The following SLC6A2 variants were observed in gnomAD, a reference collection of about 807,000 sequenced individuals.
SLC6A2 encodes sodium-dependent noradrenaline transporter.
SLC6A2 carries 26 observed loss-of-function variants against 71.7 expected under a neutral mutation model. The ratio of observed to expected loss-of-function variants is 0.36; its 90% CI spans 0.27 to 0.50. SLC6A2 has a LOEUF of 0.50. SLC6A2 is among the 20% of genes least tolerant of loss of function. The pLI is 0.96. For synonymous variants in SLC6A2, 363 were observed against 337.9 expected (o/e 1.07, Z -0.82); for missense variants, 581 against 803.9 (o/e 0.72, Z 3.35).
At chr16:55,701,790 G>A (rs1965978090) in intron 13 of SLC6A2, 73 bp from the exon 14 acceptor site, 2 of 1,120,526 alleles carry the variant, frequency 1.8e-6, no homozygotes, top group Admixed American at 1.7e-5. Flanking sequence ...GCCCTCATCT[G>A]GGGGTGCAGC....
chr16:55,705,618 A>G lies in SLC6A2; in HGVS notation c.*3272A>G, dbSNP rs1339748349. On this transcript the variant is annotated 3_prime_UTR_variant, in exon 15 of 15. Coordinates refer to ENST00000568943, the MANE Select transcript of SLC6A2 (RefSeq NM_001172501.3). ...CTTTGTCTTTAAAATCAGGGGTTAT[A>G]TCAGATCATCAAAGTTCCCATTCCA... is the stretch of plus-strand genomic sequence containing the variant. 5 of 202,852 alleles carry G rather than the reference A, an allele frequency of 2.5e-5. No homozygotes were observed. Among genetic ancestry groups the G allele is most frequent in the Non-Finnish European group, 4.8e-5 (5 of 104,874 alleles). The allele number at this position is 202,852 out of a possible 1,614,324, so 12.6% of individuals were successfully genotyped here. A position where few individuals can be genotyped will look rare whatever the true frequency, so the allele number is the denominator to read the frequency against.
rs151280869 is a variant in SLC6A2, at chr16:55,693,114, C to T, written c.919-896C>T. ...GAAATCTGAATTGCAAGGCTGGGCG[C>T]GGTGGCTCACGCCTGTAATCCCAGC... On this transcript the variant is annotated intron_variant, in intron 6 of 14. Coordinates refer to ENST00000568943, the MANE Select transcript of SLC6A2 (RefSeq NM_001172501.3). Among the ~76,000 whole-genome samples the T allele has an allele frequency of 7.6e-4, 116 of 152,300 alleles. 2 individuals are homozygous for T. The highest frequency in any genetic ancestry group is 1.1e-3 in the Non-Finnish European group (74 of 68,022).
intron 4 of SLC6A2, among the ~76,000 whole-genome samples, chr16:55,676,711 T>C (rs1318903486): frequency 6.6e-6 from 1 of 152,244 alleles, no homozygotes; most frequent in African/African-American, 2.4e-5. Flanking sequence ...ATTCCAGCCA[T>C]AGTTCAAAGC....
rs1445236466 is a variant in SLC6A2, at chr16:55,657,037, G to A, written c.274+69G>A. ...CTGTCTGCAGCGGTGGCTGGGACAG[G>A]AGCTGGAATACACACGGAAGGGAGG... On this transcript the variant is annotated intron_variant, in intron 2 of 14. Coordinates refer to ENST00000568943, the MANE Select transcript of SLC6A2 (RefSeq NM_001172501.3). The A allele has an allele frequency of 1.9e-6, 3 of 1,556,746 alleles. No individual in the cohort carries two copies. The African/African-American group carries it at 4.1e-5, about 21-fold the overall frequency.
chr16:55,663,348 C>T (rs1033348017), intron 2 of SLC6A2, among the ~76,000 whole-genome samples: 15 of 152,106 alleles, frequency 9.9e-5, no homozygotes, highest in African/African-American at 3.6e-4. Context: ...AGTGAGTTCT[C>T]ACGCCACTCT....
chr16:55,685,131 T>C lies in SLC6A2; in HGVS notation c.645-12T>C. 1 of 1,614,062 alleles carries C rather than the reference T, an allele frequency of 6.2e-7. No individual in the cohort carries two copies. Among genetic ancestry groups the C allele is most frequent in the Non-Finnish European group, 8.5e-7 (1 of 1,179,992 alleles). On this transcript the variant is annotated splice_polypyrimidine_tract_variant and intron_variant, in intron 4 of 14. Coordinates refer to ENST00000568943, the MANE Select transcript of SLC6A2 (RefSeq NM_001172501.3). The stretch of plus-strand genomic sequence containing the variant: ...ACATTTACCCTGGTCCCCTCCCCTC[T>C]CCTCTGGGCAGGCGTGGTGTCCTGC...
At chr16:55,684,232 C>T (rs1312176866) in intron 4 of SLC6A2, among the ~76,000 whole-genome samples, 1 of 147,922 alleles carries the variant, frequency 6.8e-6, no homozygotes, top group Non-Finnish European at 1.5e-5. Flanking sequence ...CCTGGGGAGG[C>T]TGAGTCTTCG....
intron 5 of SLC6A2, among the ~76,000 whole-genome samples, chr16:55,690,417 A>C (rs1965580084): frequency 6.6e-6 from 1 of 152,188 alleles, no homozygotes; most frequent in East Asian, 1.9e-4. Context: ...TAGAGCCCAT[A>C]TCTTTTTAGC....
rs1298184865 is a variant in SLC6A2 at position 55,705,337 on chromosome 16, T to A, written c.*2991T>A. ...TACCGCTCAGCTGGGAGCCAGTTCC[T>A]GCTATATGATCTGTTTTCTAGCCTC... On this transcript the variant is annotated 3_prime_UTR_variant, in exon 15 of 15. Transcript: ENST00000568943. 1.5e-5 allele frequency: 17 copies of A among 1,122,296 alleles called. No individual in the cohort carries two copies. The highest frequency in any genetic ancestry group is 3.8e-6 in the Non-Finnish European group (3 of 780,994). 69.5% of individuals were successfully genotyped at this position (1,122,296 alleles called of 1,614,324 possible). A position where few individuals can be genotyped will look rare whatever the true frequency, so the allele number is the denominator to read the frequency against.
At chr16:55,680,973 T>C (rs1435570439) in intron 4 of SLC6A2, among the ~76,000 whole-genome samples, 2 of 152,070 alleles carry the variant, frequency 1.3e-5, no homozygotes, top group Non-Finnish European at 2.9e-5. Flanking sequence ...CATTCACGCA[T>C]GCTCACATCC....
Position 55,669,568 on chromosome 16 carries a change from C to T in SLC6A2, c.278C>T (p.Ala93Val), listed in dbSNP as rs1352972330. The change falls in exon 3 of 15, where the codon GCC (alanine) becomes GTC (valine). Residue 93 changes from alanine to valine, a missense_variant. Physicochemically the swap from Ala to Val is moderately conservative, Grantham distance 64 (BLOSUM62 0). This residue lies in a region of SLC6A2 where 81 missense variants were observed against 152.4 expected (regional missense o/e 0.53). Coordinates refer to ENST00000568943, the MANE Select transcript of SLC6A2 (RefSeq NM_001172501.3). ...ACTCTGCCCCTGTGTCCTCCAGGTG[C>T]CTTCTTGATCCCGTACACACTGTTC... ...PYLCYKNGGGAFLIPYTLFLI... is the reference protein window; with the variant it reads ...PYLCYKNGGGVFLIPYTLFLI... 1.2e-6 allele frequency: 2 copies of T among 1,613,994 alleles called. No homozygotes were observed. The highest frequency in any genetic ancestry group is 1.7e-6 in the Non-Finnish European group (2 of 1,179,898).
chr16:55,696,603 C>G (rs1468765484), intron 9 of SLC6A2, among the ~76,000 whole-genome samples: 2 of 152,234 alleles, frequency 1.3e-5, no homozygotes, highest in African/African-American at 4.8e-5. Flanking sequence ...CCACACTGTC[C>G]TCTTGCAGGT....
At chr16:55,698,046 G>GAGT (rs1430551712) in intron 10 of SLC6A2, 21 bp downstream of exon 10, 6 of 1,613,384 alleles carry the variant, frequency 3.7e-6, no homozygotes, top group Non-Finnish European at 5.1e-6. Flanking sequence ...GCTGGGCTCT[G>GAGT]GGTCACCTGG....
rs537598428 is a variant in SLC6A2 at position 55,697,330 on chromosome 16, C to T, written c.1261-567C>T. ...GAGGAGAGTGGTAGCTTGCATTCTT[C>T]TTGTCTGCCCTCACATTGTCCTCAT... On this transcript the variant is annotated intron_variant, in intron 9 of 14. Coordinates refer to ENST00000568943, the MANE Select transcript of SLC6A2 (RefSeq NM_001172501.3). Among the ~76,000 whole-genome samples, 18 of 152,316 alleles carry T rather than the reference C, an allele frequency of 1.2e-4. No homozygotes were observed. The South Asian group carries it at 3.5e-3, about 30-fold the overall frequency.
intron 4 of SLC6A2, among the ~76,000 whole-genome samples, chr16:55,681,463 A>G (rs1300030570): frequency 1.3e-5 from 2 of 152,260 alleles, no homozygotes; most frequent in Non-Finnish European, 2.9e-5. Context: ...GGTAAGGGCT[A>G]GGATGGGAAG....
intron 13 of SLC6A2, 63 bp from the exon 14 acceptor site, chr16:55,701,800 C>T (rs1965978253): frequency 1.6e-6 from 2 of 1,286,986 alleles, no homozygotes; most frequent in African/African-American, 1.5e-5. Flanking sequence ...GGGGGTGCAG[C>T]CAGGCTGCCA....
At position 55,669,457 on chromosome 16, in the gene SLC6A2, C is replaced by T. The variant is rs533270667; in HGVS notation, c.275-108C>T. On this transcript the variant is annotated intron_variant, in intron 2 of 14. Coordinates refer to ENST00000568943, the MANE Select transcript of SLC6A2 (RefSeq NM_001172501.3). ...GATTGCTGCGCGTCGCCTTTGGAAACAGCCAGCTGAGCAGACGCCCAGGAT... is the reference window on the plus strand; with the variant it reads ...GATTGCTGCGCGTCGCCTTTGGAAATAGCCAGCTGAGCAGACGCCCAGGAT... The T allele has an allele frequency of 4.1e-6, 5 of 1,212,714 alleles. No homozygotes were observed. The East Asian group carries it at 1.2e-4, about 28-fold the overall frequency. The allele number at this position is 1,212,714 out of a possible 1,614,324, so 75.1% of individuals were successfully genotyped here.
At chr16:55,673,960 G>A (rs1370975737) in intron 4 of SLC6A2, among the ~76,000 whole-genome samples, 2 of 151,864 alleles carry the variant, frequency 1.3e-5, no homozygotes, top group African/African-American at 4.8e-5. Flanking sequence ...TATCAGTATG[G>A]GCTCCTGGAT....
At chr16:55,667,335 G>A (rs183532873) in intron 2 of SLC6A2, among the ~76,000 whole-genome samples, 1 of 152,346 alleles carries the variant, frequency 6.6e-6, no homozygotes, top group Admixed American at 6.5e-5. Flanking sequence ...CTTGCTAGTT[G>A]GACAAGCAAC....
Sources: gnomAD v4.1 joint callset for allele counts (sites outside exome capture counted in the v4.1 genomes callset) on GRCh38, gnomAD v4.1.1 for gene constraint, gnomAD v4.1.1 regional missense constraint, MANE v1.5 for transcripts, NCBI Gene and HGNC (gene_info 2026-07-23, HGNC 2026-07-21) for gene names.